The following OR51C1 variants were observed in gnomAD, a reference collection of about 807,000 sequenced individuals.
OR51C1 encodes olfactory receptor family 51 subfamily C member 1, also known as olfactory receptor OR51C1.
At chr11:4,697,302 T>G in the OR51C1 span, among the ~76,000 whole-genome samples, 2 of 152,202 alleles carry the variant, frequency 1.3e-5, no homozygotes. Context: ...ATGCGCTGTG[T>G]CTAATACCAG....
chr11:4,693,918 G>A, the OR51C1 span, among the ~76,000 whole-genome samples: 8 of 152,066 alleles, frequency 5.3e-5, no homozygotes, highest in African/African-American at 1.2e-4. Context: ...GAGCAGAACC[G>A]TTTTTCAATA....
At chr11:4,693,193 T>C in the OR51C1 span, among the ~76,000 whole-genome samples, 1 of 152,310 alleles carries the variant, frequency 6.6e-6, no homozygotes, top group East Asian at 1.9e-4. Flanking sequence ...CATACATGTA[T>C]AACAACATCA....
chr11:4,695,054 T>A, the OR51C1 span, among the ~76,000 whole-genome samples: 1 of 152,132 alleles, frequency 6.6e-6, no homozygotes, highest in Non-Finnish European at 1.5e-5. Context: ...ATCGAAGTCT[T>A]AAATGTGAGG....
the OR51C1 span, among the ~76,000 whole-genome samples, chr11:4,694,413 A>T: frequency 9.8e-4 from 149 of 151,396 alleles, 1 homozygote; most frequent in Non-Finnish European, 6.2e-4. Flanking sequence ...CTAGCCAATA[A>T]CTCCACTTTA....
the OR51C1 span, chr11:4,690,845 G>C: frequency 2.2e-6 from 1 of 455,706 alleles, no homozygotes; most frequent in African/African-American, 2.0e-5. Flanking sequence ...TCATCAAAGG[G>C]GAGATCAGCA....
the OR51C1 span, among the ~76,000 whole-genome samples, chr11:4,694,565 C>CATAT: frequency 1.9e-3 from 267 of 137,366 alleles, no homozygotes; most frequent in South Asian, 0.019. Flanking sequence ...CACACACATA[C>CATAT]ATATATATAT....
chr11:4,694,295 C>CA, the OR51C1 span, among the ~76,000 whole-genome samples: 61 of 145,966 alleles, frequency 4.2e-4, 1 homozygote, highest in East Asian at 1.2e-3. Flanking sequence ...TTGGGCCTAG[C>CA]AAAAAAAAAA....
chr11:4,694,803 G>A, the OR51C1 span, among the ~76,000 whole-genome samples: 1 of 152,088 alleles, frequency 6.6e-6, no homozygotes, highest in African/African-American at 2.4e-5. Context: ...AGTGTGGAGT[G>A]GCAGATTTGG....
the OR51C1 span, chr11:4,691,588 T>C: frequency 2.2e-6 from 1 of 456,334 alleles, no homozygotes; most frequent in South Asian, 1.6e-5. Context: ...AAGAGAGCAG[T>C]TACAGAGAGG....
the OR51C1 span, among the ~76,000 whole-genome samples, chr11:4,694,575 T>TATACACAC: frequency 5.7e-4 from 85 of 147,952 alleles, no homozygotes; most frequent in Non-Finnish European, 1.0e-3. Flanking sequence ...CATATATATA[T>TATACACAC]ACACACACAC....
the OR51C1 span, chr11:4,691,654 T>G: frequency 2.4e-5 from 10 of 412,508 alleles, no homozygotes; most frequent in Non-Finnish European, 3.9e-5. Context: ...GGAACACCAG[T>G]GAGCAGGAAA....
the OR51C1 span, among the ~76,000 whole-genome samples, chr11:4,693,215 A>G: frequency 6.6e-6 from 1 of 152,224 alleles, no homozygotes; most frequent in South Asian, 2.1e-4. Flanking sequence ...ATTTTACCCC[A>G]CAAATATATA....
At chr11:4,694,981 G>A in the OR51C1 span, among the ~76,000 whole-genome samples, 338 of 152,240 alleles carry the variant, frequency 2.2e-3, 3 homozygotes, top group African/African-American at 7.8e-3. Flanking sequence ...ATAAAATGAG[G>A]AGAGACATGA....
At chr11:4,692,728 G>T in the OR51C1 span, among the ~76,000 whole-genome samples, 2 of 151,966 alleles carry the variant, frequency 1.3e-5, no homozygotes, top group Non-Finnish European at 2.9e-5. Flanking sequence ...GAAAAGAAAG[G>T]GTGCTGGGTG....
chr11:4,692,075 G>C, the OR51C1 span: 36 of 410,518 alleles, frequency 8.8e-5, no homozygotes, highest in African/African-American at 1.5e-4. Context: ...TTTAAATTGT[G>C]CTAAAGAGGT....
At chr11:4,694,966 C>T in the OR51C1 span, among the ~76,000 whole-genome samples, 3 of 151,874 alleles carry the variant, frequency 2.0e-5, no homozygotes, top group Non-Finnish European at 4.4e-5. Context: ...TTTGCAGTGC[C>T]GTTGATAAAA....
chr11:4,690,639 T>G, the OR51C1 span: 1 of 302,486 alleles, frequency 3.3e-6, no homozygotes, highest in Admixed American at 4.9e-5. Context: ...TAACTTTAAA[T>G]GATTATGTGC....
At chr11:4,691,639 GC>G in the OR51C1 span, 1 of 434,852 alleles carries the variant, frequency 2.3e-6, no homozygotes, top group Non-Finnish European at 4.6e-6. Flanking sequence ...AAGGCTTCCA[GC>G]CCAGGAACAC....
the OR51C1 span, chr11:4,697,822 C>T: frequency 5.2e-5 from 8 of 152,392 alleles, no homozygotes; most frequent in Non-Finnish European, 1.0e-4. Context: ...TGCTAACTCA[C>T]TGTGTCTTCA....
Sources: allele counts gnomAD v4.1 joint callset (sites outside exome capture counted in the v4.1 genomes callset), GRCh38; gene constraint gnomAD v4.1.1; transcripts MANE v1.5; gene names NCBI Gene and HGNC (gene_info 2026-07-23, HGNC 2026-07-21).